EYS: variants seen among roughly 807,000 people sequenced by gnomAD.
EYS encodes protein eyes shut homolog.
Under a neutral mutation model 282.1 loss-of-function variants are expected in EYS, and 250 were observed. The ratio of observed to expected loss-of-function variants is 0.89; its 90% confidence interval spans 0.80 to 0.98. EYS has a LOEUF of 0.98. EYS is among the 50% of genes least tolerant of loss of function. EYS has a pLI of 0.00. For synonymous variants in EYS, 1,355 were observed against 1,282.9 expected (o/e 1.06, Z -1.20); for missense variants, 4,016 against 3,709.0 (o/e 1.08, Z -2.15).
At chr6:65,183,952 C>T (rs1765454474) in intron 12 of EYS, among the ~76,000 whole-genome samples, 2 of 150,580 alleles carry the variant, frequency 1.3e-5, no homozygotes, top group South Asian at 2.1e-4. Flanking sequence ...TCAAGAAATA[C>T]TTTAGCTGGA....
chr6:64,952,141 A>T (rs987318381), intron 14 of EYS, among the ~76,000 whole-genome samples: 4 of 152,042 alleles, frequency 2.6e-5, no homozygotes, highest in Non-Finnish European at 4.4e-5. Flanking sequence ...GCAAGAACCC[A>T]GTGAGCCAAC....
intron 35 of EYS, among the ~76,000 whole-genome samples, chr6:63,960,702 C>A (rs1392173358): frequency 2.0e-5 from 3 of 152,216 alleles, no homozygotes; most frequent in Non-Finnish European, 1.5e-5. Context: ...TCTCTACCAG[C>A]AAAAGATTAG....
intron 12 of EYS, among the ~76,000 whole-genome samples, chr6:65,241,314 T>C (rs1767052422): frequency 6.6e-6 from 1 of 152,166 alleles, no homozygotes. Context: ...GTCTGTTACA[T>C]ATAATGATTG....
chr6:65,205,368 T>C (rs116207928), intron 12 of EYS, among the ~76,000 whole-genome samples: 223 of 151,862 alleles, frequency 1.5e-3, no homozygotes, highest in Non-Finnish European at 2.6e-3. Flanking sequence ...ATTCTAAATA[T>C]ATACATGCAT....
At chr6:63,984,721 G>A in intron 34 of EYS, 118 bp from the exon 35 acceptor site, 4 of 844,278 alleles carry the variant, frequency 4.7e-6, no homozygotes, top group Non-Finnish European at 7.4e-6. Flanking sequence ...GTGTAAAAGA[G>A]GTTGCTATTG....
intron 2 of EYS, among the ~76,000 whole-genome samples, chr6:65,516,928 T>C (rs1262713370): frequency 6.6e-6 from 1 of 152,016 alleles, no homozygotes; most frequent in Non-Finnish European, 1.5e-5. Context: ...AGTTTCAAGT[T>C]AACACACACT....
intron 2 of EYS, among the ~76,000 whole-genome samples, chr6:65,627,163 A>G (rs1766732296): frequency 6.6e-6 from 1 of 152,220 alleles, no homozygotes; most frequent in South Asian, 2.1e-4. Context: ...GGCAGTAAAC[A>G]GCAAGGGAAC....
chr6:63,894,814 C>T (rs1562083918), intron 35 of EYS, among the ~76,000 whole-genome samples: 1 of 151,980 alleles, frequency 6.6e-6, no homozygotes, highest in Non-Finnish European at 1.5e-5. Flanking sequence ...GTCTCGATCT[C>T]CTGACCTCGT....
intron 31 of EYS, among the ~76,000 whole-genome samples, chr6:64,203,126 C>A (rs1451414913): frequency 6.6e-6 from 1 of 152,128 alleles, no homozygotes; most frequent in African/African-American, 2.4e-5. Context: ...CTGATAATTC[C>A]AGGTCATTTG....
intron 36 of EYS, among the ~76,000 whole-genome samples, chr6:63,838,898 G>A (rs911070326): frequency 8.6e-5 from 13 of 151,882 alleles, no homozygotes; most frequent in African/African-American, 1.9e-4. Context: ...CTATTTATAC[G>A]CTGACAATAC....
chr6:64,689,551 G>A (rs1180271469), intron 22 of EYS, among the ~76,000 whole-genome samples: 4 of 152,070 alleles, frequency 2.6e-5, no homozygotes, highest in African/African-American at 9.7e-5. Context: ...AAAGCTGGAG[G>A]CATCACACTA....
At chr6:63,829,106 G>A (rs6904818) in intron 36 of EYS, among the ~76,000 whole-genome samples, 73,754 of 151,954 alleles carry the variant, frequency 0.49, 19,822 homozygotes, top group Non-Finnish European at 0.6. Context: ...AATGAGTGGC[G>A]GAGGTTCCAA....
In EYS at chr6:65,592,560, C is replaced by A. The variant is rs1765266556; in HGVS notation, c.-333+47218G>T. Among the ~76,000 whole-genome samples, 4 of 152,026 alleles carry A rather than the reference C, an allele frequency of 2.6e-5. No individual in the cohort carries two copies. The South Asian group carries it at 8.3e-4, about 32-fold the overall frequency. On this transcript the variant is annotated intron_variant, in intron 2 of 42. Coordinates refer to ENST00000503581, the MANE Select transcript of EYS (RefSeq NM_001142800.2). ...AGGATAAGTGATTGACATATGCTAT[C>A]TTATGTAACCCTCACAACCACCCAG...
At position 65,202,139 on chromosome 6, in the gene EYS, G is replaced by A. The variant is rs841535; in HGVS notation, c.2023+93724C>T. Among the ~76,000 whole-genome samples, 362 of 151,852 alleles carry A rather than the reference G, an allele frequency of 2.4e-3. 2 individuals carry two copies. Among genetic ancestry groups the A allele is most frequent in the Middle Eastern group, 0.014 (4 of 292 alleles). On this transcript the variant is annotated intron_variant, in intron 12 of 42. Transcript: ENST00000503581. The stretch of plus-strand genomic sequence containing the variant: ...AAAAAAAAATGTATTTTACAACCAT[G>A]GCTTACATGCTGAGACATATATAAT...
At chr6:64,695,545 A>G (rs1291800106) in intron 22 of EYS, among the ~76,000 whole-genome samples, 1 of 151,780 alleles carries the variant, frequency 6.6e-6, no homozygotes, top group Non-Finnish European at 1.5e-5. Flanking sequence ...CACTGAATGC[A>G]TCCAGAAGAA....
chr6:65,495,084 T>C lies in EYS; in HGVS notation c.327A>G (p.Thr109=). Residue 109 remains threonine, a synonymous_variant, in exon 4 of 43, where the codon ACA becomes ACG. Transcript: ENST00000503581. ...TATTTTGCACACAGCCAACGAAAGA[T>C]GTTTCAGAAACATTCATCAAATTTA... is the stretch of plus-strand genomic sequence containing the variant. ...PEINLMNVSE[T]SFVGCVQNTT... 6.2e-7 allele frequency: 1 copy of C among 1,614,220 alleles called. No individual in the cohort carries two copies. Among genetic ancestry groups the C allele is most frequent in the Non-Finnish European group, 8.5e-7 (1 of 1,180,030 alleles).
intron 11 of EYS, among the ~76,000 whole-genome samples, chr6:65,299,518 A>C (rs1021834379): frequency 6.6e-6 from 1 of 152,086 alleles, no homozygotes; most frequent in African/African-American, 2.4e-5. Context: ...AGTAGTCCAA[A>C]ATTTCTGAAA....
intron 31 of EYS, among the ~76,000 whole-genome samples, chr6:64,102,063 C>T (rs1302690259): frequency 6.6e-6 from 1 of 152,048 alleles, no homozygotes; most frequent in Non-Finnish European, 1.5e-5. Context: ...GATCACCCAC[C>T]ACTCTCCTCC....
chr6:65,140,750 A>G (rs191110088), intron 12 of EYS, among the ~76,000 whole-genome samples: 3 of 152,236 alleles, frequency 2.0e-5, no homozygotes, highest in African/African-American at 7.2e-5. Flanking sequence ...AACGCTCATC[A>G]TCACTGGCCA....
Sources: allele counts gnomAD v4.1 joint callset (sites outside exome capture counted in the v4.1 genomes callset), GRCh38; gene constraint gnomAD v4.1.1; transcripts MANE v1.5; gene names NCBI Gene and HGNC (gene_info 2026-07-23, HGNC 2026-07-21).